JMJD1C: variants seen among roughly 807,000 people sequenced by gnomAD.
JMJD1C encodes the protein jumonji domain containing 1C.
A neutral mutation model predicts 245.3 loss-of-function variants in JMJD1C; 31 were observed. The ratio of observed to expected loss-of-function variants is 0.13; its 90% CI spans 0.09 to 0.17. JMJD1C has a LOEUF of 0.17. Ranked by LOEUF, JMJD1C falls within the 10% of genes least tolerant of loss-of-function variation. JMJD1C has a pLI of 1.00. For synonymous variants in JMJD1C, 1,057 were observed against 1,017.4 expected (o/e 1.04, Z -0.74); for missense variants, 2,691 against 3,000.2 (o/e 0.90, Z 2.41).
chr10:63,500,178 G>C (rs1173850541), intron 1 of JMJD1C, among the ~76,000 whole-genome samples: 3 of 152,148 alleles, frequency 2.0e-5, no homozygotes, highest in African/African-American at 4.8e-5. Context: ...TCCCAGCACT[G>C]TGGGAGGCCG....
At chr10:63,346,285 A>G (rs1943811037) in intron 2 of JMJD1C, among the ~76,000 whole-genome samples, 1 of 152,202 alleles carries the variant, frequency 6.6e-6, no homozygotes, top group African/African-American at 2.4e-5. Context: ...AGAAGCAACT[A>G]AAATAAAGCC....
Position 63,215,332 on chromosome 10 carries a change from C to T in JMJD1C, c.946G>A (p.Gly316Ser). The T allele has an allele frequency of 1.2e-6, 2 of 1,613,920 alleles. No homozygotes were observed. Among genetic ancestry groups the T allele is most frequent in the Non-Finnish European group, 1.7e-6 (2 of 1,179,982 alleles). Residue 316 changes from glycine (G) to serine (S), a missense_variant, in exon 7 of 26, where the codon GGC becomes AGC. Coordinates refer to ENST00000399262, the MANE Select transcript of JMJD1C (RefSeq NM_032776.3). ...TCATCTGGTATACTGCTATCTGAGC[C>T]CTTCCTCTTATTTGGACGGATACTT... ...QRSIRPNKRKGSDSSIPDEEK... is the reference protein window; with the variant it reads ...QRSIRPNKRKSSDSSIPDEEK...
At chr10:63,403,948 C>T (rs1949014435) in intron 1 of JMJD1C, among the ~76,000 whole-genome samples, 1 of 151,114 alleles carries the variant, frequency 6.6e-6, no homozygotes. Flanking sequence ...AAAAAAACAA[C>T]AACAAAAAAC....
At chr10:63,382,745 T>G (rs575794007) in intron 1 of JMJD1C, 1 of 455,308 alleles carries the variant, frequency 2.2e-6, no homozygotes, top group South Asian at 1.6e-5. Flanking sequence ...GGAAGCAGTC[T>G]TCTCATCACT....
At chr10:63,231,202 G>T (rs1365463976) in intron 3 of JMJD1C, among the ~76,000 whole-genome samples, 2 of 152,112 alleles carry the variant, frequency 1.3e-5, no homozygotes, top group African/African-American at 2.4e-5. Flanking sequence ...GAATTAAGCT[G>T]GTAGTACAGG....
chr10:63,330,247 A>C (rs1233098108), intron 2 of JMJD1C, among the ~76,000 whole-genome samples: 1 of 152,172 alleles, frequency 6.6e-6, no homozygotes, highest in Non-Finnish European at 1.5e-5. Context: ...GATGTTTGGT[A>C]GGTTAAGTGT....
rs1849511827 is a variant in JMJD1C at position 63,228,013 on chromosome 10, C to A, written c.448-8030G>T. On this transcript the variant is annotated intron_variant, in intron 3 of 25. Transcript: ENST00000399262. ...GTTTGAAAGTTGCTACAGGGGTGCT[C>A]AAAAAGCAAAGCTGTCTATACCACC... 2.0e-5 allele frequency among the ~76,000 whole-genome samples: 3 copies of A among 152,114 alleles called. No individual in the cohort carries two copies. The South Asian group carries it at 6.2e-4, about 32-fold the overall frequency.
intron 2 of JMJD1C, chr10:63,358,877 G>T (rs1945089160): frequency 1.3e-5 from 2 of 153,878 alleles, no homozygotes; most frequent in South Asian, 4.1e-4. Context: ...GTTTTGATTA[G>T]TAACGATCAG....
chr10:63,269,083 T>C, intron 2 of JMJD1C: 1 of 985,410 alleles, frequency 1.0e-6, no homozygotes, highest in Non-Finnish European at 1.2e-6. Context: ...TCTCTCGAGG[T>C]CGCTTACATA....
chr10:63,266,999 T>A (rs1485656214), intron 2 of JMJD1C, among the ~76,000 whole-genome samples: 1 of 152,174 alleles, frequency 6.6e-6, no homozygotes, highest in African/African-American at 2.4e-5. Context: ...AAAAAAATTC[T>A]CACGTTTTAA....
rs552634444 is a variant in JMJD1C, at chr10:63,197,407, C to T, written c.5644+4G>A. 7.1e-5 allele frequency: 114 copies of T among 1,609,742 alleles called. 2 individuals carry two copies. In the South Asian group the frequency reaches 1.3e-3, roughly 18 times the overall value. On this transcript the variant is annotated splice_donor_region_variant and intron_variant, in intron 13 of 25. Transcript: ENST00000399262. ...CTTCAATTTATATAAACTTATACAC[C>T]AACCTCTAGAACTCTTCCTTTCCTT... is the stretch of plus-strand genomic sequence containing the variant.
rs764088702 is a variant in JMJD1C at position 63,214,390 on chromosome 10, T to C, written c.1777A>G (p.Lys593Glu). ...GAAATGTAAGAGACATACTTCTCTT[T>C]TTCCATGTTCAAGTGATCATTTCCT... ...SSGNDHLNME[K>E]EKYVSYISPL... is the part of the protein sequence containing the mutation. Residue 593 changes from lysine to glutamate, a missense_variant, in exon 8 of 26, where the codon AAA (lysine) becomes GAA (glutamate). Lys to Glu is a moderately conservative substitution (Grantham distance 56). Transcript: ENST00000399262. 2.0e-5 allele frequency: 33 copies of C among 1,613,860 alleles called. No individual in the cohort carries two copies. Among genetic ancestry groups the C allele is most frequent in the East Asian group, 1.3e-4 (6 of 44,884 alleles).
chr10:63,505,155 A>AT (rs1954679267), intron 1 of JMJD1C, among the ~76,000 whole-genome samples: 1 of 151,862 alleles, frequency 6.6e-6, no homozygotes, highest in African/African-American at 2.4e-5. Context: ...TATTAAAAAT[A>AT]TTTTTTAAAA....
rs1324265982 is a variant in JMJD1C at position 63,428,336 on chromosome 10, T to TG, written c.168+37158dup. On this transcript the variant is annotated intron_variant, in intron 1 of 25. Transcript: ENST00000399262. ...CAGTAAAGAACATTTTTCTCTAACT[T>TG]GCATTAATATTGACAAAAGATCAAT... Among the ~76,000 whole-genome samples, 7 of 152,204 alleles carry TG rather than the reference T, an allele frequency of 4.6e-5. No individual in the cohort carries two copies. The East Asian group carries it at 1.3e-3, about 29-fold the overall frequency.
intron 2 of JMJD1C, among the ~76,000 whole-genome samples, chr10:63,297,598 T>C (rs1261530925): frequency 6.6e-6 from 1 of 152,094 alleles, no homozygotes; most frequent in East Asian, 1.9e-4. Context: ...TGCTCCCAGA[T>C]TGTGAAAGTG....
At position 63,206,588 on chromosome 10, in the gene JMJD1C, GACTT is replaced by G. The variant is rs761823231; in HGVS notation, c.5074+3_5074+6del. The G allele has an allele frequency of 1.3e-6, 2 of 1,566,068 alleles. No individual in the cohort carries two copies. The highest frequency in any genetic ancestry group is 1.7e-6 in the Non-Finnish European group (2 of 1,160,076). On this transcript the variant is annotated splice_donor_5th_base_variant and intron_variant, in intron 10 of 25. Transcript: ENST00000399262. ...TTACCTGAGATAAAACAAAGTAACT[GACTT>G]ACTATTACTGTTGCTTTGCAACTTC...
At chr10:63,175,882 T>G (rs1273370378) in intron 24 of JMJD1C, among the ~76,000 whole-genome samples, 1 of 152,162 alleles carries the variant, frequency 6.6e-6, no homozygotes, top group African/African-American at 2.4e-5. Flanking sequence ...GTTATATAAA[T>G]TACATACCAT....
Position 63,207,636 on chromosome 10 carries a change from G to A in JMJD1C, c.4033C>T (p.Leu1345=), listed in dbSNP as rs777062654. 32 of 1,613,998 alleles carry A rather than the reference G, an allele frequency of 2.0e-5. No homozygotes were observed. The highest frequency in any genetic ancestry group is 2.5e-5 in the Non-Finnish European group (30 of 1,180,028). The part of the protein sequence containing the change: ...AGAHKTDCLK[L]AEAGETGRII... ...CTTCCAGTTTCTCCGGCTTCTGCTAGTTTGAGGCAATCTGTTTTATGTGCC... is the reference window on the plus strand; with the variant it reads ...CTTCCAGTTTCTCCGGCTTCTGCTAATTTGAGGCAATCTGTTTTATGTGCC... Residue 1345 remains leucine (L), a synonymous_variant, in exon 10 of 26, where the codon CTA becomes TTA. Transcript: ENST00000399262.
chr10:63,318,331 G>C (rs12241561), intron 2 of JMJD1C, among the ~76,000 whole-genome samples: 10 of 152,062 alleles, frequency 6.6e-5, no homozygotes, highest in African/African-American at 1.9e-4. Context: ...CCCCCAGCTT[G>C]ATCTTTTCTT....
Sources: gnomAD v4.1 joint callset for allele counts (sites outside exome capture counted in the v4.1 genomes callset) on GRCh38, gnomAD v4.1.1 for gene constraint, MANE v1.5 for transcripts, NCBI Gene and HGNC (gene_info 2026-07-23, HGNC 2026-07-21) for gene names.